The following ADPRM variants were observed in gnomAD, a reference collection of about 807,000 sequenced individuals.
ADPRM encodes manganese-dependent ADP-ribose/CDP-alcohol diphosphatase.
ADPRM carries 17 observed loss-of-function variants against 27.2 expected under a neutral mutation model. The ratio of observed to expected loss-of-function variants is 0.63; its 90% CI spans 0.43 to 0.94. ADPRM has a LOEUF of 0.94. Ranked by LOEUF, ADPRM falls within the 40% of genes least tolerant of loss-of-function variation. ADPRM has a pLI of 0.00. For missense variants in ADPRM, 337 were observed against 412.8 expected (o/e 0.82, Z 1.59); for synonymous variants, 135 against 145.3 (o/e 0.93, Z 0.51).
In ADPRM at chr17:10,706,438, G is replaced by C; in HGVS notation, c.602G>C (p.Gly201Ala). The change falls in exon 3 of 4, where the codon GGA (glycine) becomes GCA (alanine). Residue 201 changes from glycine (G) to alanine (A), a missense_variant and splice_region_variant. Coordinates refer to ENST00000379774, the MANE Select transcript of ADPRM (RefSeq NM_020233.5). ...NPNTELNSPQ[G>A]LSEPQFVQFN... The stretch of plus-strand genomic sequence containing the variant: ...GGCTAACTTACTGAATTCATTTCAG[G>C]ACTTTCTGAGCCCCAGTTTGTCCAG... 6.3e-7 allele frequency: 1 copy of C among 1,593,898 alleles called. No individual in the cohort carries two copies. Among genetic ancestry groups the C allele is most frequent in the Non-Finnish European group, 8.5e-7 (1 of 1,171,650 alleles).
chr17:10,697,743 G>A (rs2662936), intron 1 of ADPRM, 76 bp downstream of exon 1: 2 of 606,484 alleles, frequency 3.3e-6, no homozygotes, highest in African/African-American at 1.9e-5. Context: ...ACAGCGGAGC[G>A]CCGGGAAGGG....
chr17:10,709,541 G>T (rs2074837335), intron 3 of ADPRM, among the ~76,000 whole-genome samples: 1 of 152,096 alleles, frequency 6.6e-6, no homozygotes, highest in Admixed American at 6.5e-5. Flanking sequence ...AAACTAGAAA[G>T]ACACCCCTGG....
chr17:10,704,833 C>T, intron 1 of ADPRM, 77 bp from the exon 2 acceptor site: 1 of 1,246,328 alleles, frequency 8.0e-7, no homozygotes, highest in Non-Finnish European at 1.1e-6. Flanking sequence ...CTTTAACATT[C>T]CCTTTATCAT....
At chr17:10,710,230 T>TTCTTCTGCCTCAGCCTC (rs2074842170) in intron 3 of ADPRM, among the ~76,000 whole-genome samples, 2 of 152,294 alleles carry the variant, frequency 1.3e-5, no homozygotes, top group South Asian at 4.1e-4. Context: ...GCCTCCCGAG[T>TTCTTCTGCCTCAGCCTC]AGCTGGAACT....
At position 10,705,143 on chromosome 17, in the gene ADPRM, G is replaced by A; in HGVS notation, c.217G>A (p.Gly73Arg). The change falls in exon 2 of 4, where the codon GGA (glycine) becomes AGA (arginine). Residue 73 changes from glycine (G) to arginine (R), a missense_variant. By Grantham distance (125) the Gly-to-Arg change is moderately radical (BLOSUM62 -2). Coordinates refer to ENST00000379774, the MANE Select transcript of ADPRM (RefSeq NM_020233.5). The surrounding 1 kb of genome is among the most constrained non-coding windows in gnomAD (Gnocchi z 5.4). ...CATGCCCTGTTGTGTCCTTCAGCTT[G>A]GAGATATCATCGATGGATATAATGC... is the stretch of plus-strand genomic sequence containing the variant. ...SSMPCCVLQL[G>R]DIIDGYNAQY... The A allele has an allele frequency of 6.2e-7, 1 of 1,614,074 alleles. No individual in the cohort carries two copies. Among genetic ancestry groups the A allele is most frequent in the Non-Finnish European group, 8.5e-7 (1 of 1,180,000 alleles).
chr17:10,711,267 C>T lies in ADPRM; in HGVS notation c.*123C>T. ...GCATAACAAAATGTATTTATAGTTT[C>T]AGTGTGTGATGGTTGATAAAATACT... On this transcript the variant is annotated 3_prime_UTR_variant, in exon 4 of 4. Coordinates refer to ENST00000379774, the MANE Select transcript of ADPRM (RefSeq NM_020233.5). The T allele has an allele frequency of 2.6e-6, 2 of 766,632 alleles. No individual in the cohort carries two copies. Among genetic ancestry groups the T allele is most frequent in the African/African-American group, 1.8e-5 (1 of 56,706 alleles). The allele number at this position is 766,632 out of a possible 1,614,324, so 47.5% of individuals were successfully genotyped here. A position where few individuals can be genotyped will look rare whatever the true frequency, so the allele number is the denominator to read the frequency against.
Position 10,705,286 on chromosome 17 carries a change from T to G in ADPRM, c.360T>G (p.Tyr120Ter). 1 of 1,614,022 alleles carries G rather than the reference T, an allele frequency of 6.2e-7. No individual in the cohort carries two copies. The highest frequency in any genetic ancestry group is 8.5e-7 in the Non-Finnish European group (1 of 1,179,986). Residue 120 changes from tyrosine (Y) to a stop codon, truncating the protein, a stop_gained, in exon 2 of 4, where the codon TAT becomes TAG. Transcript: ENST00000379774. LOFTEE classifies it high-confidence loss of function. This position sits in a 1 kb window ranked among gnomAD's most constrained non-coding sequence, Gnocchi z 5.4. ...NHEFYNFSRE[Y>*]LTHSKLNTKF... ...AATTCTATAACTTCAGTAGAGAGTA[T>G]TTAACACACTCTAAACTTAACACTA...
intron 3 of ADPRM, among the ~76,000 whole-genome samples, chr17:10,707,964 A>G (rs415002): frequency 0.5 from 75,653 of 151,844 alleles, 19,635 homozygotes; most frequent in African/African-American, 0.65. Context: ...TGAGATTAGA[A>G]CCCTTGGTTT....
In ADPRM at chr17:10,711,137, A is replaced by G. The variant is rs770073148; in HGVS notation, c.1022A>G (p.His341Arg). ...AATTACAAGAAAGAAAGAGCCTTCCATTGTTAGTCTAATTTATTTTAACTT... is the reference window on the plus strand; with the variant it reads ...AATTACAAGAAAGAAAGAGCCTTCCGTTGTTAGTCTAATTTATTTTAACTT... Reference protein sequence around the residue: ...IMNYKKERAFHC With the variant: ...IMNYKKERAFRC The change falls in exon 4 of 4, where the codon CAT becomes CGT. Residue 341 changes from histidine (H) to arginine (R), a missense_variant. Coordinates refer to ENST00000379774, the MANE Select transcript of ADPRM (RefSeq NM_020233.5). 6.2e-6 allele frequency: 10 copies of G among 1,600,734 alleles called. No individual in the cohort carries two copies. Among genetic ancestry groups the G allele is most frequent in the Middle Eastern group, 1.7e-4 (1 of 6,026 alleles).
At position 10,705,346 on chromosome 17, in the gene ADPRM, G is replaced by C; in HGVS notation, c.420G>C (p.Glu140Asp). 6.2e-7 allele frequency: 1 copy of C among 1,613,956 alleles called. No individual in the cohort carries two copies. The highest frequency in any genetic ancestry group is 8.5e-7 in the Non-Finnish European group (1 of 1,179,988). The change falls in exon 2 of 4, where the codon GAG (glutamate) becomes GAC (aspartate). Residue 140 changes from glutamate to aspartate, a missense_variant. Glu to Asp is a conservative substitution (Grantham distance 45). Transcript: ENST00000379774. The surrounding 1 kb of genome is among the most constrained non-coding windows in gnomAD (Gnocchi z 5.4). ...AAGATCAGATTGTACATCATCCTGAGACCATGCCTTCAGAAGATTATTATG... is the reference window on the plus strand; with the variant it reads ...AAGATCAGATTGTACATCATCCTGACACCATGCCTTCAGAAGATTATTATG... ...FLEDQIVHHP[E>D]TMPSEDYYAY...
At chr17:10,706,699 C>A in intron 3 of ADPRM, 145 bp downstream of exon 3, 1 of 499,264 alleles carries the variant, frequency 2.0e-6, no homozygotes, top group African/African-American at 2.0e-5. Flanking sequence ...GAGAAACCAC[C>A]TGAATATAAG....
rs1406328516 is a variant in ADPRM at position 10,702,163 on chromosome 17, G to C, written c.-17-2747G>C. On this transcript the variant is annotated intron_variant, in intron 1 of 3. Coordinates refer to ENST00000379774, the MANE Select transcript of ADPRM (RefSeq NM_020233.5). This position sits in a 1 kb window ranked among gnomAD's most constrained non-coding sequence, Gnocchi z 4.2. ...AAATCTAAAACACTTCTGGTCCCAA[G>C]CATTTTGGATAAGGAGATACTAACC... Among the ~76,000 whole-genome samples, 1 of 152,182 alleles carries C rather than the reference G, an allele frequency of 6.6e-6. No individual in the cohort carries two copies. The highest frequency in any genetic ancestry group is 2.4e-5 in the African/African-American group (1 of 41,442).
chr17:10,700,903 A>C (rs535166674), intron 1 of ADPRM, among the ~76,000 whole-genome samples: 7 of 152,300 alleles, frequency 4.6e-5, no homozygotes, highest in Non-Finnish European at 8.8e-5. Flanking sequence ...TTCTATTAAA[A>C]TGTTGCAGTA....
intron 1 of ADPRM, among the ~76,000 whole-genome samples, chr17:10,700,982 G>A (rs7214602): frequency 0.58 from 88,863 of 151,972 alleles, 28,054 homozygotes; most frequent in African/African-American, 0.84. Context: ...CTTAACATGC[G>A]TATAGTACTT....
chr17:10,697,609 T>A lies in ADPRM; in HGVS notation c.-76T>A, dbSNP rs1442436541. 9 of 1,433,234 alleles carry A rather than the reference T, an allele frequency of 6.3e-6. No homozygotes were observed. Among genetic ancestry groups the A allele is most frequent in the African/African-American group, 1.4e-5 (1 of 71,302 alleles). 88.8% of individuals were successfully genotyped at this position (1,433,234 alleles called of 1,614,324 possible). On this transcript the variant is annotated 5_prime_UTR_variant, in exon 1 of 4. Coordinates refer to ENST00000379774, the MANE Select transcript of ADPRM (RefSeq NM_020233.5). ...GAGTCGCTCTGTCCGTCCCGCTCGT[T>A]GGTGGCGCTGTTACATAGCCCGTAG...
chr17:10,703,176 A>G (rs1052925156), intron 1 of ADPRM, among the ~76,000 whole-genome samples: 3 of 132,572 alleles, frequency 2.3e-5, no homozygotes, highest in African/African-American at 8.6e-5. Flanking sequence ...TGAACTTGGA[A>G]TCGCAAATAT....
In ADPRM at chr17:10,705,953, A is replaced by G. The variant is rs2074810091; in HGVS notation, c.601+426A>G. The G allele has an allele frequency of 2.0e-5, 4 of 200,860 alleles. No individual in the cohort carries two copies. The highest frequency in any genetic ancestry group is 4.1e-5 in the Non-Finnish European group (4 of 97,962). The allele number at this position is 200,860 out of a possible 1,614,324, so 12.4% of individuals were successfully genotyped here. ...AGGATTAGGGTTGCTATTTTAGATTAGGTGATTAGGGAAGGTCTCTCCAAG... is the reference window on the plus strand; with the variant it reads ...AGGATTAGGGTTGCTATTTTAGATTGGGTGATTAGGGAAGGTCTCTCCAAG... On this transcript the variant is annotated intron_variant, in intron 2 of 3. Transcript: ENST00000379774. The surrounding 1 kb of genome is among the most constrained non-coding windows in gnomAD (Gnocchi z 5.4).
At chr17:10,708,137 T>C (rs958974818) in intron 3 of ADPRM, among the ~76,000 whole-genome samples, 1 of 151,942 alleles carries the variant, frequency 6.6e-6, no homozygotes, top group Non-Finnish European at 1.5e-5. Flanking sequence ...AAATTATGAA[T>C]ATGAAACCCC....
Position 10,702,345 on chromosome 17 carries a change from T to G in ADPRM, c.-17-2565T>G, listed in dbSNP as rs562135250. Among the ~76,000 whole-genome samples, 1 of 152,234 alleles carries G rather than the reference T, an allele frequency of 6.6e-6. No homozygotes were observed. Among genetic ancestry groups the G allele is most frequent in the African/African-American group, 2.4e-5 (1 of 41,464 alleles). On this transcript the variant is annotated intron_variant, in intron 1 of 3. Coordinates refer to ENST00000379774, the MANE Select transcript of ADPRM (RefSeq NM_020233.5). This position sits in a 1 kb window ranked among gnomAD's most constrained non-coding sequence, Gnocchi z 4.2. ...AGGATAGCCTTGAGTTTTTCTAAAC[T>G]GAACTTGTTCCAGTGGAAGGTGTAT...
Sources: gnomAD v4.1 joint callset for allele counts (sites outside exome capture counted in the v4.1 genomes callset) on GRCh38, gnomAD v4.1.1 for gene constraint, Gnocchi (gnomAD v3.1) non-coding constraint, MANE v1.5 for transcripts, NCBI Gene and HGNC (gene_info 2026-07-23, HGNC 2026-07-21) for gene names.